PTPRR: variants seen among roughly 807,000 people sequenced by gnomAD.
The protein encoded by PTPRR is receptor-type tyrosine-protein phosphatase R.
Under a neutral mutation model 77.2 loss-of-function variants are expected in PTPRR, and 38 were observed. The observed-to-expected ratio is 0.49, with a 90% confidence interval of 0.38 to 0.65. The LOEUF is 0.65. Among genes scored for constraint, PTPRR ranks in the 30% least tolerant of loss-of-function variants. The pLI, the probability that PTPRR is intolerant of heterozygous loss-of-function variation, is 0.00. For synonymous variants in PTPRR, 299 were observed against 283.1 expected, an observed-to-expected ratio of 1.06 and a Z score of -0.57; for missense variants, 744 against 799.2, an observed-to-expected ratio of 0.93 and a Z score of 0.83.
At chr12:70,694,121 C>T (rs985148892) in intron 8 of PTPRR, among the ~76,000 whole-genome samples, 30 of 152,044 alleles carry the variant, frequency 2.0e-4, no homozygotes, top group Admixed American at 3.9e-4. Context: ...CAGTATCTTG[C>T]TTTAGCTACA....
intron 13 of PTPRR, among the ~76,000 whole-genome samples, chr12:70,654,242 A>G (rs1252123688): frequency 6.6e-6 from 1 of 152,178 alleles, no homozygotes; most frequent in East Asian, 1.9e-4. Context: ...AGGACATAGC[A>G]CATAGTGCTC....
At chr12:70,680,978 C>CAAGAT (rs778232268) in intron 10 of PTPRR, among the ~76,000 whole-genome samples, 229 of 152,284 alleles carry the variant, frequency 1.5e-3, no homozygotes, top group Non-Finnish European at 2.5e-3. Context: ...CTTGGTTTCT[C>CAAGAT]TGCTGATCAA....
chr12:70,915,429 G>A (rs1003199745), intron 1 of PTPRR, among the ~76,000 whole-genome samples: 2 of 152,146 alleles, frequency 1.3e-5, no homozygotes, highest in African/African-American at 4.8e-5. Context: ...CTAGAAATAT[G>A]TCATCTCCAA....
At chr12:70,888,172 T>G (rs1195494894) in intron 2 of PTPRR, among the ~76,000 whole-genome samples, 1 of 152,180 alleles carries the variant, frequency 6.6e-6, no homozygotes, top group Non-Finnish European at 1.5e-5. Context: ...AAATCAGAGA[T>G]AATAGTTTTG....
At chr12:70,766,691 C>A (rs1380514079) in intron 2 of PTPRR, among the ~76,000 whole-genome samples, 1 of 151,306 alleles carries the variant, frequency 6.6e-6, no homozygotes, top group South Asian at 2.1e-4. Flanking sequence ...TCGAGAAGAG[C>A]AACTCCAAGA....
intron 6 of PTPRR, 43 bp downstream of exon 6, chr12:70,745,775 T>C: frequency 6.4e-7 from 1 of 1,571,992 alleles, no homozygotes; most frequent in Non-Finnish European, 8.6e-7. Context: ...GAATACTCTT[T>C]TTATAAAAAG....
chr12:70,808,539 C>T (rs1161105400), intron 2 of PTPRR, among the ~76,000 whole-genome samples: 3 of 152,086 alleles, frequency 2.0e-5, no homozygotes, highest in African/African-American at 7.2e-5. Context: ...TACTCTCTCC[C>T]TCTATTTCTC....
intron 6 of PTPRR, among the ~76,000 whole-genome samples, chr12:70,735,699 G>T (rs140430841): frequency 2.5e-3 from 379 of 152,292 alleles, no homozygotes; most frequent in Non-Finnish European, 4.5e-3. Flanking sequence ...TCTTTGGCTA[G>T]ATTTTTATTT....
At chr12:70,667,723 G>A (rs906585429) in intron 10 of PTPRR, among the ~76,000 whole-genome samples, 1 of 151,988 alleles carries the variant, frequency 6.6e-6, no homozygotes, top group African/African-American at 2.4e-5. Flanking sequence ...GTTGACCAGC[G>A]ACAGCATTCA....
chr12:70,885,272 T>A (rs1286146688), intron 2 of PTPRR, among the ~76,000 whole-genome samples: 2 of 152,186 alleles, frequency 1.3e-5, no homozygotes, highest in Non-Finnish European at 2.9e-5. Context: ...TGGCCTTAAA[T>A]CAGTGACTGT....
chr12:70,846,327 T>C (rs1169301166), intron 2 of PTPRR, among the ~76,000 whole-genome samples: 1 of 152,146 alleles, frequency 6.6e-6, no homozygotes, highest in East Asian at 1.9e-4. Flanking sequence ...TGTAAAAATG[T>C]GGCTTATGAG....
intron 2 of PTPRR, among the ~76,000 whole-genome samples, chr12:70,787,257 G>GTA (rs2137005497): frequency 6.6e-6 from 1 of 152,230 alleles, no homozygotes; most frequent in East Asian, 1.9e-4. Flanking sequence ...ACTGTTAGAA[G>GTA]TATATATATT....
In PTPRR at chr12:70,821,915, C is replaced by T. The variant is rs149128751; in HGVS notation, c.358-57137G>A. 3.2e-3 allele frequency among the ~76,000 whole-genome samples: 492 copies of T among 152,260 alleles called. 3 individuals carry two copies. Among genetic ancestry groups the T allele is most frequent in the African/African-American group, 0.011 (451 of 41,562 alleles). On this transcript the variant is annotated intron_variant, in intron 2 of 13. Transcript: ENST00000283228. ...TCCTGACCTCATGATCTGCCTGCCT[C>T]GGCCTCCCAAAGTGCTGGGATTACA...
intron 2 of PTPRR, among the ~76,000 whole-genome samples, chr12:70,857,344 C>T (rs1427341543): frequency 1.1e-4 from 17 of 152,022 alleles, no homozygotes; most frequent in Non-Finnish European, 2.1e-4. Flanking sequence ...ACACAAGAAG[C>T]GAACATTTAA....
Position 70,684,737 on chromosome 12 carries a change from T to C in PTPRR, c.1326A>G (p.Ser442=), listed in dbSNP as rs759452023. 1.2e-6 allele frequency: 2 copies of C among 1,607,966 alleles called. No individual in the cohort carries two copies. Among genetic ancestry groups the C allele is most frequent in the Non-Finnish European group, 8.5e-7 (1 of 1,175,826 alleles). Reference sequence around the variant, plus strand: ...AATTAGCATTAATGTAGGTGCTCAATGAATCGGTTACATTTTTTGGTCTTA... The same window carrying C: ...AATTAGCATTAATGTAGGTGCTCAACGAATCGGTTACATTTTTTGGTCTTA... ...VCLRPKNVTD[S]LSTYINANYI... is the part of the protein sequence containing the mutation. The change falls in exon 9 of 14, where the codon TCA becomes TCG. Residue 442 remains serine, a synonymous_variant. Transcript: ENST00000283228.
intron 10 of PTPRR, among the ~76,000 whole-genome samples, chr12:70,666,394 A>G (rs971567182): frequency 4.6e-5 from 7 of 151,908 alleles, no homozygotes; most frequent in African/African-American, 9.7e-5. Context: ...TACTTCTGTT[A>G]CCATCTTTTG....
intron 2 of PTPRR, among the ~76,000 whole-genome samples, chr12:70,765,505 G>C (rs1045723475): frequency 6.6e-6 from 1 of 152,154 alleles, no homozygotes; most frequent in African/African-American, 2.4e-5. Context: ...CAAAGCAGCC[G>C]GGAAGCTCCA....
At chr12:70,665,738 C>T (rs1010092671) in intron 10 of PTPRR, among the ~76,000 whole-genome samples, 2 of 151,576 alleles carry the variant, frequency 1.3e-5, no homozygotes, top group Non-Finnish European at 2.9e-5. Context: ...CTGGCCCCCA[C>T]CAAGTTAGGG....
At chr12:70,898,086 G>A (rs1230737683) in intron 1 of PTPRR, among the ~76,000 whole-genome samples, 3 of 151,766 alleles carry the variant, frequency 2.0e-5, no homozygotes, top group Non-Finnish European at 2.9e-5. Flanking sequence ...ACACCAACAT[G>A]GCACATGTAT....
Sources: allele counts gnomAD v4.1 joint callset (sites outside exome capture counted in the v4.1 genomes callset), GRCh38; gene constraint gnomAD v4.1.1; transcripts MANE v1.5; gene names NCBI Gene and HGNC (gene_info 2026-07-23, HGNC 2026-07-21).